PDE4B: variants seen among roughly 807,000 people sequenced by gnomAD.
PDE4B encodes the protein phosphodiesterase 4B.
In PDE4B, 20 loss-of-function variants were observed where a neutral mutation model predicts 82.2. That is an observed-to-expected ratio of 0.24 (90% CI 0.17 to 0.35). The LOEUF (loss-of-function observed/expected upper bound fraction) is 0.35. Ranked by LOEUF, PDE4B falls within the 10% of genes least tolerant of loss-of-function variation. The probability of loss-of-function intolerance (pLI) is 1.00; values close to 1 mark genes in which losing one functional copy is unlikely to be tolerated. For synonymous variants in PDE4B, 320 were observed against 318.9 expected, an observed-to-expected ratio of 1.00 and a Z score of -0.04; for missense variants, 655 against 907.2, an observed-to-expected ratio of 0.72 and a Z score of 3.57.
chr1:65,793,470 C>T (rs1645597003), intron 1 of PDE4B, among the ~76,000 whole-genome samples: 1 of 152,192 alleles, frequency 6.6e-6, no homozygotes, highest in South Asian at 2.1e-4. Flanking sequence ...TTCTCTGCTT[C>T]GGCTTCCGCC....
intron 3 of PDE4B, among the ~76,000 whole-genome samples, chr1:65,979,360 CT>C (rs1350907013): frequency 6.6e-6 from 1 of 152,196 alleles, no homozygotes; most frequent in Non-Finnish European, 1.5e-5. Flanking sequence ...ATTGTGTTAT[CT>C]GAAAGAGCGA....
rs565356146 is a variant in PDE4B, at chr1:65,818,634, T to C, written c.-71+25386T>C. Among the ~76,000 whole-genome samples the C allele has an allele frequency of 5.4e-5, 8 of 148,968 alleles. No homozygotes were observed. In the East Asian group the frequency reaches 1.6e-3, roughly 29 times the overall value. ...CTAAGGGCTTATTATACAATGAATG[T>C]TTAATACATACATATATATATATGC... On this transcript the variant is annotated intron_variant, in intron 1 of 16. Coordinates refer to ENST00000341517, the MANE Select transcript of PDE4B (RefSeq NM_002600.4).
chr1:66,233,714 A>G (rs1298174934), intron 3 of PDE4B, among the ~76,000 whole-genome samples: 1 of 146,644 alleles, frequency 6.8e-6, no homozygotes, highest in Non-Finnish European at 1.5e-5. Context: ...GTGTGTGTGT[A>G]TAAAGGATGG....
chr1:66,184,208 A>G (rs571449603), intron 3 of PDE4B, among the ~76,000 whole-genome samples: 31 of 152,260 alleles, frequency 2.0e-4, no homozygotes, highest in African/African-American at 7.2e-4. Context: ...CCTTTAGTAA[A>G]ATCCATCAAG....
At chr1:65,977,375 A>G (rs1650462187) in intron 3 of PDE4B, among the ~76,000 whole-genome samples, 1 of 152,222 alleles carries the variant, frequency 6.6e-6, no homozygotes, top group Admixed American at 6.5e-5. Flanking sequence ...GACATAATGA[A>G]AAGAACATAG....
chr1:66,313,731 A>G (rs916847172), intron 7 of PDE4B, among the ~76,000 whole-genome samples: 19 of 152,226 alleles, frequency 1.2e-4, no homozygotes, highest in African/African-American at 3.9e-4. Flanking sequence ...CTGGAAGAGA[A>G]CAAGGAGTTG....
intron 3 of PDE4B, among the ~76,000 whole-genome samples, chr1:65,928,845 A>G (rs1207056673): frequency 2.0e-5 from 3 of 152,154 alleles, no homozygotes; most frequent in East Asian, 3.8e-4. Flanking sequence ...ATTTCAGCTA[A>G]CCAAGCAAAT....
chr1:66,211,373 C>G (rs1188757397), intron 3 of PDE4B, among the ~76,000 whole-genome samples: 2 of 152,174 alleles, frequency 1.3e-5, no homozygotes, highest in Non-Finnish European at 1.5e-5. Context: ...CCTATCCCCA[C>G]TCTCAGCTGA....
chr1:66,286,929 C>A (rs547874546), intron 7 of PDE4B, among the ~76,000 whole-genome samples: 15 of 152,204 alleles, frequency 9.9e-5, no homozygotes, highest in African/African-American at 3.6e-4. Flanking sequence ...CTTGAAGAAA[C>A]TTGAAGAAAT....
At chr1:66,023,901 T>C (rs1031921673) in intron 3 of PDE4B, among the ~76,000 whole-genome samples, 13 of 152,136 alleles carry the variant, frequency 8.5e-5, no homozygotes, top group African/African-American at 3.1e-4. Flanking sequence ...ACTTCATTAC[T>C]ATATGTGTCT....
chr1:66,107,595 T>C (rs1362549176), intron 3 of PDE4B, among the ~76,000 whole-genome samples: 4 of 152,056 alleles, frequency 2.6e-5, no homozygotes, highest in African/African-American at 9.6e-5. Flanking sequence ...TTTTTATTTG[T>C]TAGCATTCTT....
At chr1:65,902,183 T>C (rs1361300762) in intron 1 of PDE4B, among the ~76,000 whole-genome samples, 2 of 152,110 alleles carry the variant, frequency 1.3e-5, no homozygotes, top group Admixed American at 1.3e-4. Context: ...TTGAACTTAT[T>C]GAGACTTAAT....
intron 1 of PDE4B, among the ~76,000 whole-genome samples, chr1:65,822,796 G>A (rs938582589): frequency 1.3e-5 from 2 of 152,094 alleles, no homozygotes; most frequent in African/African-American, 2.4e-5. Flanking sequence ...ACCAGACACT[G>A]AACCTGCCAG....
At chr1:65,841,065 G>C (rs1646201118) in intron 1 of PDE4B, among the ~76,000 whole-genome samples, 1 of 152,162 alleles carries the variant, frequency 6.6e-6, no homozygotes, top group Non-Finnish European at 1.5e-5. Flanking sequence ...GGGAGGCTGA[G>C]GTAGGTGGAT....
intron 3 of PDE4B, among the ~76,000 whole-genome samples, chr1:66,242,107 C>T (rs983735719): frequency 6.6e-6 from 1 of 152,066 alleles, no homozygotes; most frequent in Non-Finnish European, 1.5e-5. Flanking sequence ...CTAGCATGGC[C>T]GGTTCTGGAA....
intron 3 of PDE4B, among the ~76,000 whole-genome samples, chr1:66,100,429 G>T (rs188523419): frequency 6.6e-6 from 1 of 152,182 alleles, no homozygotes; most frequent in East Asian, 1.9e-4. Context: ...GGGCTGATGT[G>T]TTCAAACAGT....
chr1:66,308,143 C>T (rs1272911271), intron 7 of PDE4B, among the ~76,000 whole-genome samples: 2 of 152,030 alleles, frequency 1.3e-5, no homozygotes, highest in Non-Finnish European at 2.9e-5. Flanking sequence ...TTGCCGTTGC[C>T]TCCAGTAGCC....
At chr1:65,934,179 AG>A (rs748726566) in intron 3 of PDE4B, among the ~76,000 whole-genome samples, 4 of 152,226 alleles carry the variant, frequency 2.6e-5, no homozygotes, top group African/African-American at 4.8e-5. Context: ...TGCAACACAA[AG>A]GAAGACAGCA....
chr1:65,998,237 A>C (rs1937444), intron 3 of PDE4B, among the ~76,000 whole-genome samples: 115,720 of 152,068 alleles, frequency 0.76, 44,277 homozygotes, highest in African/African-American at 0.83. Context: ...CAGAAAATAA[A>C]CAGCTGAGTT....
Sources: gnomAD v4.1 joint callset for allele counts (sites outside exome capture counted in the v4.1 genomes callset) on GRCh38, gnomAD v4.1.1 for gene constraint, MANE v1.5 for transcripts, NCBI Gene and HGNC (gene_info 2026-07-23, HGNC 2026-07-21) for gene names.